The following ADAMTS9 variants were observed in gnomAD, a reference collection of about 807,000 sequenced individuals.
ADAMTS9 encodes ADAM metallopeptidase with thrombospondin type 1 motif 9.
Under a neutral mutation model 257.1 loss-of-function variants are expected in ADAMTS9, and 107 were observed. The ratio of observed to expected loss-of-function variants is 0.42; its 90% CI spans 0.36 to 0.49. The LOEUF (loss-of-function observed/expected upper bound fraction) is 0.49. ADAMTS9 is among the 20% of genes least tolerant of loss of function. The probability of loss-of-function intolerance (pLI) is 0.03; values close to 1 mark genes in which losing one functional copy is unlikely to be tolerated. For missense variants in ADAMTS9, 2,353 were observed against 2,469.1 expected (o/e 0.95, Z 1.00); for synonymous variants, 982 against 880.9 (o/e 1.11, Z -2.03).
At position 64,561,813 on chromosome 3, in the gene ADAMTS9, G is replaced by A; in HGVS notation, c.4525-62C>T. ...CATTTATTTTTTGGGGGGGCGGGGG[G>A]TGTCGAGGGTCACAGAGGAGGGGAA... On this transcript the variant is annotated intron_variant, in intron 29 of 39. Coordinates refer to ENST00000498707, the MANE Select transcript of ADAMTS9 (RefSeq NM_182920.2). 4 of 1,149,922 alleles carry A rather than the reference G, an allele frequency of 3.5e-6. 1 individual carries two copies. Among genetic ancestry groups the A allele is most frequent in the Non-Finnish European group, 4.9e-6 (4 of 812,600 alleles). The allele number at this position is 1,149,922 out of a possible 1,614,324, so 71.2% of individuals were successfully genotyped here.
intron 28 of ADAMTS9, among the ~76,000 whole-genome samples, chr3:64,585,470 T>C (rs990146067): frequency 5.3e-5 from 8 of 152,190 alleles, no homozygotes; most frequent in African/African-American, 1.9e-4. Flanking sequence ...TCAGCTCCTA[T>C]AGCTTAATTT....
intron 38 of ADAMTS9, 107 bp from the exon 39 acceptor site, chr3:64,522,367 G>T: frequency 2.2e-6 from 2 of 923,402 alleles, no homozygotes; most frequent in South Asian, 1.5e-5. Flanking sequence ...CAGGCCTTCT[G>T]AACTGATGTG....
rs1016416506 is a variant in ADAMTS9 at position 64,602,131 on chromosome 3, T to C, written c.3830A>G (p.Glu1277Gly). 1 of 1,614,018 alleles carries C rather than the reference T, an allele frequency of 6.2e-7. No individual in the cohort carries two copies. Among genetic ancestry groups the C allele is most frequent in the African/African-American group, 1.3e-5 (1 of 74,940 alleles). Residue 1277 changes from glutamate to glycine, a missense_variant, in exon 26 of 40, where the codon GAG (glutamate) becomes GGG (glycine). This residue lies in a region of ADAMTS9 where 1,402 missense variants were observed against 1,441.4 expected (regional missense o/e 0.97). Transcript: ENST00000498707. ...NYSDHVIDRS[E>G]CDQDYIPETD... The stretch of plus-strand genomic sequence containing the variant: ...TTCTGGGATATAATCCTGGTCACAC[T>C]CACTCCGATCGATCACGTGGTCACT...
chr3:64,561,924 G>A (rs964564018), intron 29 of ADAMTS9, among the ~76,000 whole-genome samples, 173 bp from the exon 30 acceptor site: 2 of 152,074 alleles, frequency 1.3e-5, no homozygotes, highest in Non-Finnish European at 1.5e-5. Flanking sequence ...TCTTAAACCT[G>A]GAAACTCACT....
At chr3:64,632,828 C>CA (rs67246847) in intron 14 of ADAMTS9, among the ~76,000 whole-genome samples, 3,871 of 124,242 alleles carry the variant, frequency 0.031, 73 homozygotes, top group South Asian at 0.091. Context: ...GGACCACAGG[C>CA]AAAAAAAAAA....
intron 28 of ADAMTS9, among the ~76,000 whole-genome samples, chr3:64,584,752 C>T (rs75149507): frequency 0.012 from 1,751 of 152,086 alleles, 62 homozygotes; most frequent in East Asian, 0.068. Flanking sequence ...ATTTGCTCCC[C>T]CCATCTCTCT....
chr3:64,602,007 G>A lies in ADAMTS9; in HGVS notation c.3954C>T (p.Ser1318=), dbSNP rs374450249. Residue 1318 remains serine (S), a synonymous_variant, in exon 26 of 40, where the codon AGC becomes AGT. Coordinates refer to ENST00000498707, the MANE Select transcript of ADAMTS9 (RefSeq NM_182920.2). ...PFQNEDYRPR[S]ASPSRTHVLG... ...GCACATGGGTGCGGCTGGGGCTGGC[G>A]CTCCGGGGACGATAGTCCTCATTTT... is the stretch of plus-strand genomic sequence containing the variant. The A allele has an allele frequency of 2.5e-6, 4 of 1,613,804 alleles. No individual in the cohort carries two copies. The highest frequency in any genetic ancestry group is 1.3e-5 in the African/African-American group (1 of 74,890).
In ADAMTS9 at chr3:64,533,042, T is replaced by C; in HGVS notation, c.5718+124A>G. On this transcript the variant is annotated intron_variant, in intron 38 of 39. Coordinates refer to ENST00000498707, the MANE Select transcript of ADAMTS9 (RefSeq NM_182920.2). Reference sequence around the variant, plus strand: ...ATTTCCTAAATGGTCTTCCTGACACTACAAAATGGCTTAAGTGGGAAAGCA... The same window carrying C: ...ATTTCCTAAATGGTCTTCCTGACACCACAAAATGGCTTAAGTGGGAAAGCA... The C allele has an allele frequency of 1.2e-5, 10 of 819,894 alleles. No homozygotes were observed. In the South Asian group the frequency reaches 1.7e-4, roughly 14 times the overall value. The allele number at this position is 819,894 out of a possible 1,614,324, so 50.8% of individuals were successfully genotyped here. A position where few individuals can be genotyped will look rare whatever the true frequency, so the allele number is the denominator to read the frequency against.
chr3:64,654,256 C>T, intron 8 of ADAMTS9, 97 bp downstream of exon 8: 1 of 1,233,560 alleles, frequency 8.1e-7, no homozygotes, highest in Non-Finnish European at 1.2e-6. Flanking sequence ...CGGGAAGTCT[C>T]TTACACACTC....
chr3:64,644,861 T>C (rs573533860), intron 11 of ADAMTS9, among the ~76,000 whole-genome samples: 1 of 152,306 alleles, frequency 6.6e-6, no homozygotes, highest in Non-Finnish European at 1.5e-5. Flanking sequence ...AGGGGGTAGG[T>C]TTATCAGAGC....
In ADAMTS9 at chr3:64,681,344, T is replaced by C. The variant is rs772386537; in HGVS notation, c.536A>G (p.His179Arg). The C allele has an allele frequency of 2.5e-6, 4 of 1,612,712 alleles. No individual in the cohort carries two copies. In the African/African-American group the frequency reaches 4.0e-5, roughly 16 times the overall value. ...TGGTTCAATAAAATAATCCCCATCATGAGACCGGAATGTGCCCAGCTGCAA... is the reference window on the plus strand; with the variant it reads ...TGGTTCAATAAAATAATCCCCATCACGAGACCGGAATGTGCCCAGCTGCAA... The part of the protein sequence containing the change: ...CSGMLGTFRS[H>R]DGDYFIEPLQ... Residue 179 changes from histidine (H) to arginine (R), a missense_variant, in exon 3 of 40, where the codon CAT becomes CGT. Physicochemically the swap from His to Arg is conservative, Grantham distance 29. Around this residue, in one of 3 missense-constraint regions of ADAMTS9, gnomAD observed 591 missense variants for 569.6 expected, o/e 1.04. Transcript: ENST00000498707.
chr3:64,565,532 T>C (rs1212698553), intron 29 of ADAMTS9: 1 of 152,260 alleles, frequency 6.6e-6, no homozygotes, highest in Non-Finnish European at 1.5e-5. Flanking sequence ...ATGACTTGAT[T>C]GCATGAATTC....
At chr3:64,530,407 C>T (rs1418836817) in intron 38 of ADAMTS9, among the ~76,000 whole-genome samples, 4 of 151,874 alleles carry the variant, frequency 2.6e-5, no homozygotes, top group Non-Finnish European at 2.9e-5. Context: ...TTTCTCCAGA[C>T]AGCCGGGGGC....
At chr3:64,653,709 T>C (rs1407060521) in intron 8 of ADAMTS9, among the ~76,000 whole-genome samples, 5 of 152,214 alleles carry the variant, frequency 3.3e-5, no homozygotes, top group Non-Finnish European at 7.3e-5. Context: ...AAACTCAGAA[T>C]AATTTCTAGT....
chr3:64,544,079 G>A (rs1194918737), intron 32 of ADAMTS9, among the ~76,000 whole-genome samples: 2 of 152,116 alleles, frequency 1.3e-5, no homozygotes, highest in African/African-American at 4.8e-5. Context: ...ACCTCTTCAA[G>A]GAGAACTACA....
At chr3:64,571,389 T>C (rs1436706961) in intron 28 of ADAMTS9, among the ~76,000 whole-genome samples, 1 of 152,210 alleles carries the variant, frequency 6.6e-6, no homozygotes, top group African/African-American at 2.4e-5. Context: ...AATACATTTC[T>C]GTTGGAAACA....
intron 12 of ADAMTS9, among the ~76,000 whole-genome samples, chr3:64,641,186 A>C (rs1700627544): frequency 6.6e-6 from 1 of 152,030 alleles, no homozygotes; most frequent in Non-Finnish European, 1.5e-5. Flanking sequence ...ACTGGATGAA[A>C]ATGTCCAATT....
intron 30 of ADAMTS9, among the ~76,000 whole-genome samples, chr3:64,553,827 C>A (rs147053532): frequency 6.6e-6 from 1 of 151,968 alleles, no homozygotes; most frequent in South Asian, 2.1e-4. Flanking sequence ...TGCAGGAGGC[C>A]GGCTGAGCCC....
chr3:64,651,282 A>G, intron 8 of ADAMTS9, 119 bp from the exon 9 acceptor site: 1 of 748,492 alleles, frequency 1.3e-6, no homozygotes, highest in Non-Finnish European at 2.0e-6. Flanking sequence ...TTGGATAAGA[A>G]CCTGAACCCT....
Sources: gnomAD v4.1 joint callset for allele counts (sites outside exome capture counted in the v4.1 genomes callset) on GRCh38, gnomAD v4.1.1 for gene constraint, gnomAD v4.1.1 regional missense constraint, MANE v1.5 for transcripts, NCBI Gene and HGNC (gene_info 2026-07-23, HGNC 2026-07-21) for gene names.